NPSR1: variants seen among roughly 807,000 people sequenced by gnomAD.
The protein encoded by NPSR1 is neuropeptide S receptor.
A neutral mutation model predicts 46.9 loss-of-function variants in NPSR1; 48 were observed. The observed-to-expected ratio is 1.02, with a 90% confidence interval of 0.81 to 1.30. The LOEUF (loss-of-function observed/expected upper bound fraction) is 1.30. Among genes scored for constraint, NPSR1 ranks in the 50% most tolerant of loss-of-function variants. The probability of loss-of-function intolerance (pLI) is 0.00; values close to 1 mark genes in which losing one functional copy is unlikely to be tolerated. For missense variants in NPSR1, 450 were observed against 449.5 expected, an observed-to-expected ratio of 1.00 and a Z score of -0.01; for synonymous variants, 176 against 168.1, an observed-to-expected ratio of 1.05 and a Z score of -0.36.
At chr7:34,722,076 G>A (rs1245602507) in intron 2 of NPSR1, among the ~76,000 whole-genome samples, 1 of 151,624 alleles carries the variant, frequency 6.6e-6, no homozygotes, top group Non-Finnish European at 1.5e-5. Flanking sequence ...AAGAGAAGGA[G>A]AAAGAAAAAG....
At chr7:34,830,371 T>A (rs772506156) in intron 5 of NPSR1, among the ~76,000 whole-genome samples, 2 of 152,140 alleles carry the variant, frequency 1.3e-5, no homozygotes, top group Non-Finnish European at 2.9e-5. Flanking sequence ...AAAAAACATA[T>A]CTTAGTTGTT....
At chr7:34,781,969 C>T (rs1703078795) in intron 3 of NPSR1, among the ~76,000 whole-genome samples, 1 of 152,162 alleles carries the variant, frequency 6.6e-6, no homozygotes, top group Non-Finnish European at 1.5e-5. Flanking sequence ...CATACCTGTG[C>T]TCTCATTCTT....
chr7:34,692,361 C>A (rs536340585), intron 2 of NPSR1, among the ~76,000 whole-genome samples: 3 of 152,128 alleles, frequency 2.0e-5, no homozygotes, highest in African/African-American at 4.8e-5. Flanking sequence ...TTTTCTTAAA[C>A]CACAGTGGAA....
intron 2 of NPSR1, among the ~76,000 whole-genome samples, chr7:34,686,452 A>G (rs756592854): frequency 6.6e-4 from 100 of 152,276 alleles, no homozygotes; most frequent in Non-Finnish European, 1.2e-3. Context: ...GTGAGAATAC[A>G]TACCTGAGTC....
At chr7:34,718,402 G>A (rs1783678586) in intron 2 of NPSR1, among the ~76,000 whole-genome samples, 1 of 152,198 alleles carries the variant, frequency 6.6e-6, no homozygotes, top group African/African-American at 2.4e-5. Flanking sequence ...GACAGCTCAG[G>A]ATTGCTGTAA....
chr7:34,751,729 C>A, intron 2 of NPSR1: 1 of 1,584,758 alleles, frequency 6.3e-7, no homozygotes, highest in East Asian at 2.2e-5. Context: ...CTTCGGGTCC[C>A]CCTGACTGGT....
At chr7:34,864,106 G>A (rs898486051) in intron 8 of NPSR1, among the ~76,000 whole-genome samples, 2 of 151,822 alleles carry the variant, frequency 1.3e-5, no homozygotes, top group Non-Finnish European at 2.9e-5. Flanking sequence ...ATCATTCTCA[G>A]CAAACTAACA....
intron 8 of NPSR1, among the ~76,000 whole-genome samples, chr7:34,872,919 A>C (rs540696274): frequency 6.6e-6 from 1 of 151,824 alleles, no homozygotes; most frequent in African/African-American, 2.4e-5. Context: ...CCTTTTAAAT[A>C]TAAGTTCCAG....
In NPSR1 at chr7:34,677,403, T is replaced by C. The variant is rs541586258; in HGVS notation, c.148-7149T>C. On this transcript the variant is annotated intron_variant, in intron 1 of 8. Coordinates refer to ENST00000360581, the MANE Select transcript of NPSR1 (RefSeq NM_207172.2). ...GTATTTATATGAGGAAAGGAGAACA[T>C]GAAAGAGAGATATAGTCTGAAAATG... Among the ~76,000 whole-genome samples, 5 of 152,264 alleles carry C rather than the reference T, an allele frequency of 3.3e-5. No homozygotes were observed. In the South Asian group the frequency reaches 1.0e-3, roughly 32 times the overall value.
intron 2 of NPSR1, among the ~76,000 whole-genome samples, chr7:34,707,073 T>G (rs1281048821): frequency 6.6e-6 from 1 of 152,180 alleles, no homozygotes; most frequent in Non-Finnish European, 1.5e-5. Flanking sequence ...CAGTAAAGCT[T>G]TTTCTTTCTT....
intron 2 of NPSR1, among the ~76,000 whole-genome samples, chr7:34,707,209 G>T (rs1794156116): frequency 6.6e-6 from 1 of 152,094 alleles, no homozygotes; most frequent in African/African-American, 2.4e-5. Context: ...TTATCTCCAT[G>T]ATCTTTAGGA....
At chr7:34,827,318 T>A (rs1204520245) in intron 4 of NPSR1, 83 bp from the exon 5 acceptor site, 3 of 1,207,490 alleles carry the variant, frequency 2.5e-6, no homozygotes, top group Non-Finnish European at 3.6e-6. Context: ...TGCCCCACAG[T>A]GATCCTTTTC....
chr7:34,826,693 AG>A lies in NPSR1; in HGVS notation c.479-706del, dbSNP rs569037535. Among the ~76,000 whole-genome samples, 4 of 152,314 alleles carry A rather than the reference AG, an allele frequency of 2.6e-5. No homozygotes were observed. In the East Asian group the frequency reaches 7.7e-4, roughly 29 times the overall value. On this transcript the variant is annotated intron_variant, in intron 4 of 8. Transcript: ENST00000360581. ...CATAACCAGCTGAGGTGGCCAGAGC[AG>A]GTATTTTTTATACCAATTTAAAGAA... is the stretch of plus-strand genomic sequence containing the variant.
chr7:34,692,996 T>C (rs1447674809), intron 2 of NPSR1, among the ~76,000 whole-genome samples: 1 of 152,188 alleles, frequency 6.6e-6, no homozygotes, highest in Non-Finnish European at 1.5e-5. Context: ...ATTAATGGTT[T>C]AGGACCATCC....
chr7:34,824,358 C>T (rs932913247), intron 4 of NPSR1, among the ~76,000 whole-genome samples: 57 of 152,124 alleles, frequency 3.7e-4, no homozygotes, highest in African/African-American at 8.4e-4. Context: ...TCTGACTTTC[C>T]GGGGGTGAGA....
chr7:34,754,834 A>G (rs1347522485), intron 2 of NPSR1, among the ~76,000 whole-genome samples: 1 of 152,186 alleles, frequency 6.6e-6, no homozygotes, highest in Non-Finnish European at 1.5e-5. Context: ...TCTACTTCCT[A>G]TGTCTATGAA....
At chr7:34,803,081 G>A (rs1205648828) in intron 3 of NPSR1, among the ~76,000 whole-genome samples, 1 of 150,358 alleles carries the variant, frequency 6.7e-6, no homozygotes, top group Non-Finnish European at 1.5e-5. Flanking sequence ...GTGCTGGAGA[G>A]GATGTGGAGA....
chr7:34,771,755 C>T (rs1786696163), intron 2 of NPSR1, among the ~76,000 whole-genome samples: 1 of 152,160 alleles, frequency 6.6e-6, no homozygotes, highest in African/African-American at 2.4e-5. Flanking sequence ...CTAACTTTCT[C>T]TGAAATCTTA....
chr7:34,850,590 C>T (rs866307499), downstream of NPSR1, among the ~76,000 whole-genome samples: 68 of 152,066 alleles, frequency 4.5e-4, no homozygotes, highest in African/African-American at 1.5e-3. Context: ...TTAGTAGAGA[C>T]GGAGTTTCAC....
Sources: gnomAD v4.1 joint callset for allele counts (sites outside exome capture counted in the v4.1 genomes callset) on GRCh38, gnomAD v4.1.1 for gene constraint, MANE v1.5 for transcripts, NCBI Gene and HGNC (gene_info 2026-07-23, HGNC 2026-07-21) for gene names.